The following DIS3L2 variants were observed in gnomAD, a reference collection of about 807,000 sequenced individuals.
DIS3L2 encodes DIS3-like exonuclease 2.
Under a neutral mutation model 97.5 loss-of-function variants are expected in DIS3L2, and 34 were observed. That is an observed-to-expected ratio of 0.35 (90% CI 0.27 to 0.46). DIS3L2 has a LOEUF of 0.46. DIS3L2 is among the 20% of genes least tolerant of loss of function. DIS3L2 has a pLI of 1.00. For missense variants in DIS3L2, 1,038 were observed against 1,146.0 expected (o/e 0.91, Z 1.36); for synonymous variants, 435 against 445.2 (o/e 0.98, Z 0.29).
At chr2:232,232,684 G>A (rs72994295) in intron 10 of DIS3L2, among the ~76,000 whole-genome samples, 1,790 of 152,290 alleles carry the variant, frequency 0.012, 17 homozygotes, top group Non-Finnish European at 0.017. Flanking sequence ...AGGTATGAGT[G>A]TGATGTGACC....
At chr2:231,993,115 A>C (rs956675170) in intron 1 of DIS3L2, among the ~76,000 whole-genome samples, 5 of 152,198 alleles carry the variant, frequency 3.3e-5, no homozygotes, top group African/African-American at 1.2e-4. Flanking sequence ...CAGTCACCTC[A>C]AACTCAGCAC....
At chr2:232,121,380 A>G (rs977626516) in intron 6 of DIS3L2, among the ~76,000 whole-genome samples, 5 of 152,122 alleles carry the variant, frequency 3.3e-5, no homozygotes, top group Admixed American at 6.5e-5. Flanking sequence ...GTTCTCCACT[A>G]TTCTGTCCTA....
At chr2:232,270,860 G>GTCCCTCTCTCTCTCTCTCTCTCTC (rs1491319157) in intron 13 of DIS3L2, among the ~76,000 whole-genome samples, 7 of 103,872 alleles carry the variant, frequency 6.7e-5, no homozygotes, top group East Asian at 3.8e-4. Flanking sequence ...TCTTTTTCTC[G>GTCCCTCTCTCTCTCTCTCTCTCTC]TCTCTCTCTC....
At chr2:231,988,192 A>G (rs1233549834) in intron 1 of DIS3L2, among the ~76,000 whole-genome samples, 4 of 152,236 alleles carry the variant, frequency 2.6e-5, no homozygotes, top group African/African-American at 9.6e-5. Flanking sequence ...TTTTATAACT[A>G]TTAAGTTCAT....
At chr2:232,338,514 C>T (rs1426546788), downstream of DIS3L2, among the ~76,000 whole-genome samples, 1 of 152,072 alleles carries the variant, frequency 6.6e-6, no homozygotes, top group Non-Finnish European at 1.5e-5. Context: ...CCAGCCCACC[C>T]CACCCCATCT....
chr2:232,006,940 A>G (rs1694068649), intron 1 of DIS3L2, among the ~76,000 whole-genome samples: 1 of 152,236 alleles, frequency 6.6e-6, no homozygotes. Flanking sequence ...ACTTTACTTC[A>G]TTATAGAGAA....
At chr2:232,164,686 G>A (rs1261102649) in intron 9 of DIS3L2, among the ~76,000 whole-genome samples, 1 of 152,072 alleles carries the variant, frequency 6.6e-6, no homozygotes, top group African/African-American at 2.4e-5. Flanking sequence ...ATGATCATTA[G>A]TCCCCTTTCC....
At chr2:232,123,512 AC>A (rs1056892652) in intron 6 of DIS3L2, among the ~76,000 whole-genome samples, 2 of 146,972 alleles carry the variant, frequency 1.4e-5, no homozygotes, top group African/African-American at 5.1e-5. Flanking sequence ...CCCTATTCTT[AC>A]CCCCATCACT....
chr2:232,047,366 G>A (rs569474087), intron 5 of DIS3L2, among the ~76,000 whole-genome samples: 1 of 152,280 alleles, frequency 6.6e-6, no homozygotes, highest in East Asian at 1.9e-4. Context: ...AAAATGTAAA[G>A]AAAAGCAGTC....
At chr2:232,074,328 G>T (rs1696121966) in intron 5 of DIS3L2, among the ~76,000 whole-genome samples, 3 of 152,060 alleles carry the variant, frequency 2.0e-5, no homozygotes, top group Non-Finnish European at 4.4e-5. Flanking sequence ...AATTTAGCTG[G>T]CTCTTGCTGC....
At chr2:232,265,815 A>C (rs1292689706) in intron 13 of DIS3L2, among the ~76,000 whole-genome samples, 1 of 152,242 alleles carries the variant, frequency 6.6e-6, no homozygotes, top group Non-Finnish European at 1.5e-5. Context: ...CTTTTTAAAG[A>C]AATCAAATGG....
In DIS3L2 at chr2:232,276,298, G is replaced by C. The variant is rs551469511; in HGVS notation, c.1659+12858G>C. Among the ~76,000 whole-genome samples, 2 of 152,134 alleles carry C rather than the reference G, an allele frequency of 1.3e-5. No individual in the cohort carries two copies. Among genetic ancestry groups the C allele is most frequent in the African/African-American group, 4.8e-5 (2 of 41,426 alleles). ...AAACTGATTTGCTACTGTCAGTTTC[G>C]ACCCGTAAATAACAGGGCGCTCTCC... is the stretch of plus-strand genomic sequence containing the variant. On this transcript the variant is annotated intron_variant, in intron 13 of 20. Coordinates refer to ENST00000325385, the MANE Select transcript of DIS3L2 (RefSeq NM_152383.5). The surrounding 1 kb of genome is among the most constrained non-coding windows in gnomAD (Gnocchi z 4.4).
intron 6 of DIS3L2, among the ~76,000 whole-genome samples, chr2:232,091,564 A>G (rs1422987610): frequency 6.6e-6 from 1 of 152,162 alleles, no homozygotes; most frequent in East Asian, 1.9e-4. Flanking sequence ...GTTGATGGAC[A>G]CGTAGGTTGT....
intron 6 of DIS3L2, among the ~76,000 whole-genome samples, chr2:232,119,172 T>C (rs1390551072): frequency 1.3e-5 from 2 of 152,236 alleles, no homozygotes; most frequent in Admixed American, 6.5e-5. Context: ...AGATATGATA[T>C]GTATTTCATA....
At chr2:232,301,037 GATGACA>G (rs1323566605) in intron 14 of DIS3L2, among the ~76,000 whole-genome samples, 1 of 152,200 alleles carries the variant, frequency 6.6e-6, no homozygotes, top group Non-Finnish European at 1.5e-5. Context: ...GTGCCCCGAT[GATGACA>G]ATGATGGTAA....
downstream of DIS3L2, among the ~76,000 whole-genome samples, chr2:232,337,594 C>T (rs1341751104): frequency 2.0e-5 from 3 of 152,100 alleles, no homozygotes; most frequent in Non-Finnish European, 2.9e-5. Context: ...CTGACCCCAG[C>T]CTGTACTCCT....
intron 9 of DIS3L2, among the ~76,000 whole-genome samples, chr2:232,182,402 GGAGT>G (rs1214767016): frequency 3.9e-4 from 59 of 152,138 alleles, no homozygotes; most frequent in African/African-American, 1.4e-3. Flanking sequence ...GTTGTTGGAT[GGAGT>G]GAGTGTTCTG....
intron 1 of DIS3L2, among the ~76,000 whole-genome samples, chr2:231,994,892 A>G (rs570353903): frequency 1.1e-3 from 161 of 145,736 alleles, no homozygotes; most frequent in Admixed American, 2.9e-3. Flanking sequence ...GGCTCACTGT[A>G]ACCTCAACCT....
At chr2:232,169,685 C>A (rs2106170175) in intron 9 of DIS3L2, among the ~76,000 whole-genome samples, 1 of 152,250 alleles carries the variant, frequency 6.6e-6, no homozygotes. Flanking sequence ...ACTTAATCCC[C>A]TGTCCTGGGT....
Sources: gnomAD v4.1 joint callset for allele counts (sites outside exome capture counted in the v4.1 genomes callset) on GRCh38, gnomAD v4.1.1 for gene constraint, Gnocchi (gnomAD v3.1) non-coding constraint, MANE v1.5 for transcripts, NCBI Gene and HGNC (gene_info 2026-07-23, HGNC 2026-07-21) for gene names.